Variants in ANTXR2 observed in about 807,000 individuals in gnomAD.
ANTXR2 encodes ANTXR cell adhesion molecule 2, also known as anthrax toxin receptor 2.
In ANTXR2, 44 loss-of-function variants were observed where a neutral mutation model predicts 73.7. That is an observed-to-expected ratio of 0.60 (90% CI 0.47 to 0.77). ANTXR2 has a LOEUF of 0.77. Among genes scored for constraint, ANTXR2 ranks in the 30% least tolerant of loss-of-function variants. The probability of loss-of-function intolerance (pLI) is 0.00; values close to 1 mark genes in which losing one functional copy is unlikely to be tolerated. For missense variants in ANTXR2, 604 were observed against 592.5 expected, an observed-to-expected ratio of 1.02 and a Z score of -0.20; for synonymous variants, 217 against 205.9, an observed-to-expected ratio of 1.05 and a Z score of -0.46.
At chr4:80,055,304 G>A (rs201232452) in intron 5 of ANTXR2, 56 bp downstream of exon 5, 55 of 1,561,466 alleles carry the variant, frequency 3.5e-5, no homozygotes, top group Admixed American at 1.9e-4. Flanking sequence ...TATACATTCC[G>A]AGACACACAG....
intron 16 of ANTXR2, 55 bp from the exon 17 acceptor site, chr4:79,907,522 A>C: frequency 6.5e-7 from 1 of 1,532,430 alleles, no homozygotes; most frequent in East Asian, 2.3e-5. Flanking sequence ...TTAAAAAAGC[A>C]TGAGAACATC....
At chr4:79,943,950 T>C (rs1452999425) in intron 16 of ANTXR2, among the ~76,000 whole-genome samples, 1 of 147,580 alleles carries the variant, frequency 6.8e-6, no homozygotes, top group East Asian at 2.1e-4. Flanking sequence ...ATTGACCATT[T>C]AGATGAAGAT....
intron 16 of ANTXR2, among the ~76,000 whole-genome samples, chr4:79,954,868 T>A (rs976994449): frequency 1.3e-5 from 2 of 152,184 alleles, no homozygotes; most frequent in African/African-American, 4.8e-5. Flanking sequence ...AAAATGAGTC[T>A]ATTAGGCTGA....
At chr4:79,995,972 C>T (rs190237066) in intron 12 of ANTXR2, among the ~76,000 whole-genome samples, 55 of 152,062 alleles carry the variant, frequency 3.6e-4, no homozygotes, top group African/African-American at 1.2e-3. Context: ...AGGAACCACC[C>T]TTTATTGGTG....
At chr4:79,952,019 C>T (rs1046854880) in intron 16 of ANTXR2, among the ~76,000 whole-genome samples, 1 of 152,058 alleles carries the variant, frequency 6.6e-6, no homozygotes, top group African/African-American at 2.4e-5. Context: ...GTTTCAAAGA[C>T]TGCCTGAAAA....
chr4:79,975,890 A>C (rs1318729641), intron 16 of ANTXR2, among the ~76,000 whole-genome samples: 1 of 151,728 alleles, frequency 6.6e-6, no homozygotes, highest in Non-Finnish European at 1.5e-5. Context: ...GGAAAATTCC[A>C]GGAATAAATT....
chr4:80,055,196 C>T lies in ANTXR2; in HGVS notation c.509G>A (p.Gly170Glu). Residue 170 changes from glycine (G) to glutamate (E), a missense_variant, in exon 6 of 17, where the codon GGG becomes GAG. Coordinates refer to ENST00000403729, the MANE Select transcript of ANTXR2 (RefSeq NM_058172.6). Reference protein sequence around the residue: ...EKEAKISRSLGASVYCVGVLD... With the variant: ...EKEAKISRSLEASVYCVGVLD... ...GACACCAACACAATAAACACTAGCCCCAAGTGACCTGGATATCTTTGCCTA... is the reference window on the plus strand; with the variant it reads ...GACACCAACACAATAAACACTAGCCTCAAGTGACCTGGATATCTTTGCCTA... 6.4e-7 allele frequency: 1 copy of T among 1,568,798 alleles called. No homozygotes were observed. The highest frequency in any genetic ancestry group is 1.2e-5 in the South Asian group (1 of 85,538).
At chr4:80,000,285 T>C (rs983104242) in intron 12 of ANTXR2, among the ~76,000 whole-genome samples, 3 of 151,984 alleles carry the variant, frequency 2.0e-5, no homozygotes, top group African/African-American at 4.8e-5. Context: ...TTAAATGAAG[T>C]CAATGAAAAT....
chr4:80,016,693 C>T (rs949154277), intron 11 of ANTXR2, among the ~76,000 whole-genome samples: 1 of 152,214 alleles, frequency 6.6e-6, no homozygotes, highest in South Asian at 2.1e-4. Flanking sequence ...TCTCTTTGCT[C>T]TGAAACTGCT....
rs370927844 is a variant in ANTXR2, at chr4:79,984,803, T to G, written c.1086+16A>C. 26 of 1,603,386 alleles carry G rather than the reference T, an allele frequency of 1.6e-5. No homozygotes were observed. Among genetic ancestry groups the G allele is most frequent in the Non-Finnish European group, 2.1e-5 (25 of 1,173,088 alleles). ...AAAAAAAAACAGCCATATCAGTTTT[T>G]TAGGCACTCACTTACCTCTTTTGGT... On this transcript the variant is annotated intron_variant, in intron 13 of 16. Coordinates refer to ENST00000403729, the MANE Select transcript of ANTXR2 (RefSeq NM_058172.6).
At chr4:80,072,285 C>G in intron 1 of ANTXR2, 124 bp downstream of exon 1, 1 of 1,114,584 alleles carries the variant, frequency 9.0e-7, no homozygotes, top group Non-Finnish European at 1.2e-6. Context: ...AAGACAGCAA[C>G]AGGGCACCCC....
intron 12 of ANTXR2, among the ~76,000 whole-genome samples, chr4:79,998,529 A>T (rs942664263): frequency 3.9e-5 from 6 of 152,052 alleles, no homozygotes; most frequent in Non-Finnish European, 7.4e-5. Flanking sequence ...TCCTATCCTG[A>T]TTAGTAAAAC....
intron 7 of ANTXR2, among the ~76,000 whole-genome samples, chr4:80,040,668 A>G (rs776138262): frequency 1.7e-4 from 26 of 152,022 alleles, no homozygotes; most frequent in Non-Finnish European, 2.8e-4. Flanking sequence ...TAATAAATCT[A>G]GGGTATGTTA....
At chr4:79,975,607 C>G (rs1729591396) in intron 16 of ANTXR2, among the ~76,000 whole-genome samples, 1 of 152,020 alleles carries the variant, frequency 6.6e-6, no homozygotes, top group African/African-American at 2.4e-5. Context: ...AATTATTGAA[C>G]AAATAAACTA....
At chr4:80,002,449 T>C (rs1731093353) in intron 12 of ANTXR2, among the ~76,000 whole-genome samples, 1 of 152,008 alleles carries the variant, frequency 6.6e-6, no homozygotes, top group African/African-American at 2.4e-5. Context: ...CCTAAAACCA[T>C]AAAAACCCTA....
chr4:79,952,806 C>T (rs2109984694), intron 16 of ANTXR2, among the ~76,000 whole-genome samples: 1 of 151,296 alleles, frequency 6.6e-6, no homozygotes, highest in South Asian at 2.1e-4. Context: ...TTATAAAAAC[C>T]ATCTTATTAT....
chr4:79,993,887 A>T (rs1730604018), intron 12 of ANTXR2, among the ~76,000 whole-genome samples: 1 of 151,140 alleles, frequency 6.6e-6, no homozygotes, highest in African/African-American at 2.4e-5. Context: ...TATATCAAAC[A>T]TTTCTCATGA....
chr4:80,072,818 G>T lies in ANTXR2; in HGVS notation c.-258C>A. On this transcript the variant is annotated 5_prime_UTR_variant, in exon 1 of 17. It adds an upstream start codon to the 5' untranslated region. Coordinates refer to ENST00000403729, the MANE Select transcript of ANTXR2 (RefSeq NM_058172.6). ...CGAATCCCAGTGGAAGCGCGATCCA[G>T]TCCTCCCCCTCCCGATTCCGGAGAG... 1 of 856,142 alleles carries T rather than the reference G, an allele frequency of 1.2e-6. No individual in the cohort carries two copies. Among genetic ancestry groups the T allele is most frequent in the Non-Finnish European group, 1.6e-6 (1 of 638,032 alleles). The allele number at this position is 856,142 out of a possible 1,614,324, so 53.0% of individuals were successfully genotyped here. A position where few individuals can be genotyped will look rare whatever the true frequency, so the allele number is the denominator to read the frequency against.
chr4:79,975,768 C>G (rs1314641754), intron 16 of ANTXR2, among the ~76,000 whole-genome samples: 3 of 152,120 alleles, frequency 2.0e-5, no homozygotes, highest in Non-Finnish European at 2.9e-5. Flanking sequence ...TAAAAAGATA[C>G]AAATGTCATT....
Sources: allele counts gnomAD v4.1 joint callset (sites outside exome capture counted in the v4.1 genomes callset), GRCh38; gene constraint gnomAD v4.1.1; transcripts MANE v1.5; gene names NCBI Gene and HGNC (gene_info 2026-07-23, HGNC 2026-07-21).